Variants in MCTP1 observed in about 807,000 individuals in gnomAD.
The protein encoded by MCTP1 is multiple C2 and transmembrane domain containing 1, also known as multiple C2 and transmembrane domain-containing protein 1.
A neutral mutation model predicts 120.6 loss-of-function variants in MCTP1; 69 were observed. The observed-to-expected ratio is 0.57, with a 90% CI of 0.47 to 0.70. The LOEUF is 0.70. Ranked by LOEUF, MCTP1 falls within the 30% of genes least tolerant of loss-of-function variation. MCTP1 has a pLI of 0.00. For missense variants in MCTP1, 1,203 were observed against 1,248.8 expected (o/e 0.96, Z 0.55); for synonymous variants, 529 against 493.1 (o/e 1.07, Z -0.96).
intron 1 of MCTP1, among the ~76,000 whole-genome samples, chr5:95,221,667 C>T (rs988433484): frequency 4.6e-5 from 7 of 152,192 alleles, no homozygotes; most frequent in African/African-American, 1.4e-4. Flanking sequence ...AATGTCAAAA[C>T]GTATGTATTC....
At chr5:95,193,842 T>C (rs776675715) in intron 1 of MCTP1, among the ~76,000 whole-genome samples, 4 of 152,202 alleles carry the variant, frequency 2.6e-5, no homozygotes, top group Admixed American at 1.3e-4. Flanking sequence ...TTTTAACTTA[T>C]GTAATTCCTA....
chr5:94,978,874 AT>A (rs1828747826), intron 2 of MCTP1: 1 of 151,986 alleles, frequency 6.6e-6, no homozygotes, highest in Non-Finnish European at 1.5e-5. Context: ...AATAAAATAA[AT>A]TTTTTTAAAA....
intron 1 of MCTP1, among the ~76,000 whole-genome samples, chr5:95,163,607 C>T (rs572224107): frequency 1.3e-5 from 2 of 152,232 alleles, no homozygotes; most frequent in South Asian, 2.1e-4. Flanking sequence ...TTAAATGCCT[C>T]GAAATTTTGT....
chr5:95,100,334 A>G (rs1012006776), intron 1 of MCTP1, among the ~76,000 whole-genome samples: 1 of 152,218 alleles, frequency 6.6e-6, no homozygotes, highest in African/African-American at 2.4e-5. Flanking sequence ...TTTTAGTGCT[A>G]TATCAGCTAA....
intron 17 of MCTP1, among the ~76,000 whole-genome samples, chr5:94,851,084 A>C (rs1403814177): frequency 6.6e-6 from 1 of 152,114 alleles, no homozygotes; most frequent in Admixed American, 6.6e-5. Context: ...AAGGAATCTG[A>C]TTTTCACTGG....
intron 1 of MCTP1, among the ~76,000 whole-genome samples, chr5:95,193,788 A>G (rs769931933): frequency 4.6e-5 from 7 of 152,236 alleles, no homozygotes; most frequent in Non-Finnish European, 8.8e-5. Context: ...GGTGACAGGT[A>G]GATAAAATTT....
chr5:94,873,376 A>G (rs1798188131), intron 12 of MCTP1, 135 bp from the exon 13 acceptor site: 1 of 511,988 alleles, frequency 2.0e-6, no homozygotes, highest in East Asian at 3.2e-5. Context: ...AAAAATTAAA[A>G]AAAGAAACCA....
chr5:95,059,995 T>C (rs750302674), intron 1 of MCTP1, among the ~76,000 whole-genome samples: 2 of 152,218 alleles, frequency 1.3e-5, no homozygotes, highest in African/African-American at 4.8e-5. Context: ...AGTAGGCAGC[T>C]CAGCCCCAAG....
At chr5:95,083,856 G>T (rs1453102961) in intron 1 of MCTP1, among the ~76,000 whole-genome samples, 1 of 152,076 alleles carries the variant, frequency 6.6e-6, no homozygotes, top group Non-Finnish European at 1.5e-5. Context: ...AACCATAAAC[G>T]GTGGAAGCGT....
chr5:94,705,023 T>C lies in MCTP1; in HGVS notation c.*2473A>G, dbSNP rs1430275916. On this transcript the variant is annotated 3_prime_UTR_variant, in exon 23 of 23. Transcript: ENST00000515393. ...GTCAGTAATAGTTTATGAATATAAATAATGACTCAGTGAATTTACTCACTA... is the reference window on the plus strand; with the variant it reads ...GTCAGTAATAGTTTATGAATATAAACAATGACTCAGTGAATTTACTCACTA... 1.3e-5 allele frequency: 2 copies of C among 151,268 alleles called. No homozygotes were observed. The highest frequency in any genetic ancestry group is 3.0e-5 in the Non-Finnish European group (2 of 67,568). The allele number at this position is 151,268 out of a possible 1,614,324, so 9.4% of individuals were successfully genotyped here. A position where few individuals can be genotyped will look rare whatever the true frequency, so the allele number is the denominator to read the frequency against.
chr5:95,007,524 C>CT (rs1422152370), intron 2 of MCTP1, among the ~76,000 whole-genome samples: 2 of 152,172 alleles, frequency 1.3e-5, no homozygotes, highest in African/African-American at 2.4e-5. Context: ...TCTCTCTGAG[C>CT]TTTCATAAAT....
intron 19 of MCTP1, among the ~76,000 whole-genome samples, chr5:94,746,419 A>G (rs1405633751): frequency 2.0e-5 from 3 of 152,228 alleles, no homozygotes; most frequent in Non-Finnish European, 4.4e-5. Context: ...AAGTGCTAAT[A>G]TTATGAATGT....
chr5:94,826,140 T>G lies in MCTP1; in HGVS notation c.2437-27008A>C, dbSNP rs1787016990. The stretch of plus-strand genomic sequence containing the variant: ...CAGATCTCATGAATCAGATCCTCCA[T>G]GCAGATGATGCCATATTTACCAAGA... On this transcript the variant is annotated intron_variant, in intron 17 of 22. Transcript: ENST00000515393. 1.1e-5 allele frequency: 4 copies of G among 359,926 alleles called. No individual in the cohort carries two copies. In the South Asian group the frequency reaches 1.2e-4, roughly 11 times the overall value. The allele number at this position is 359,926 out of a possible 1,614,324, so 22.3% of individuals were successfully genotyped here.
chr5:95,178,714 AT>A (rs1332018740), intron 1 of MCTP1, among the ~76,000 whole-genome samples: 3 of 152,208 alleles, frequency 2.0e-5, no homozygotes, highest in African/African-American at 7.2e-5. Context: ...GACATAGCCT[AT>A]CCAAATGAGA....
chr5:94,973,184 T>A (rs1481250665), intron 2 of MCTP1, among the ~76,000 whole-genome samples: 7 of 152,202 alleles, frequency 4.6e-5, no homozygotes, highest in Admixed American at 1.3e-4. Flanking sequence ...ACCTAACTTG[T>A]AAGCAGTGGC....
intron 1 of MCTP1, among the ~76,000 whole-genome samples, chr5:95,046,134 C>T (rs1007440595): frequency 2.0e-5 from 3 of 152,160 alleles, no homozygotes; most frequent in African/African-American, 7.2e-5. Context: ...ACTCTGAGAA[C>T]ATGCTTCCCA....
chr5:95,019,550 G>A (rs1837800100), intron 1 of MCTP1, among the ~76,000 whole-genome samples: 1 of 151,816 alleles, frequency 6.6e-6, no homozygotes, highest in African/African-American at 2.4e-5. Flanking sequence ...TTCTTTGTTT[G>A]CCACAGAGGA....
At chr5:95,202,291 C>T (rs556377218) in intron 1 of MCTP1, among the ~76,000 whole-genome samples, 2 of 152,330 alleles carry the variant, frequency 1.3e-5, no homozygotes, top group African/African-American at 2.4e-5. Flanking sequence ...CTTAAACAAG[C>T]TGCCCCTTAG....
chr5:94,959,705 T>C (rs1823642075), intron 2 of MCTP1, among the ~76,000 whole-genome samples: 2 of 151,996 alleles, frequency 1.3e-5, no homozygotes, highest in African/African-American at 4.8e-5. Flanking sequence ...AGGAATACAA[T>C]TTAAAAGAGA....
Sources: allele counts gnomAD v4.1 joint callset (sites outside exome capture counted in the v4.1 genomes callset), GRCh38; gene constraint gnomAD v4.1.1; transcripts MANE v1.5; gene names NCBI Gene and HGNC (gene_info 2026-07-23, HGNC 2026-07-21).